The following SLC25A26 variants were observed in gnomAD, a reference collection of about 807,000 sequenced individuals.
SLC25A26 encodes solute carrier family 25 member 26, also known as mitochondrial S-adenosylmethionine carrier protein.
In SLC25A26, 36 loss-of-function variants were observed where a neutral mutation model predicts 37.8. The ratio of observed to expected loss-of-function variants is 0.95; its 90% CI spans 0.73 to 1.26. The LOEUF (loss-of-function observed/expected upper bound fraction) is 1.26. Among genes scored for constraint, SLC25A26 ranks in the 50% most tolerant of loss-of-function variants. The probability of loss-of-function intolerance (pLI) is 0.00; values close to 1 mark genes in which losing one functional copy is unlikely to be tolerated. For synonymous variants in SLC25A26, 129 were observed against 122.5 expected (o/e 1.05, Z -0.35); for missense variants, 390 against 331.1 (o/e 1.18, Z -1.38).
intron 1 of SLC25A26, among the ~76,000 whole-genome samples, chr3:66,148,905 G>A (rs2070158642): frequency 6.6e-6 from 1 of 152,148 alleles, no homozygotes; most frequent in South Asian, 2.1e-4. Context: ...CAACATAGGA[G>A]CATTAGGGTT....
chr3:66,174,071 AC>A (rs1486835141), intron 1 of SLC25A26, among the ~76,000 whole-genome samples: 6 of 152,002 alleles, frequency 3.9e-5, no homozygotes, highest in African/African-American at 9.7e-5. Flanking sequence ...AAAAAAAAAA[AC>A]ATGAAAGTCT....
chr3:66,190,694 G>A (rs1472287477), intron 1 of SLC25A26, among the ~76,000 whole-genome samples: 1 of 152,210 alleles, frequency 6.6e-6, no homozygotes, highest in African/African-American at 2.4e-5. Flanking sequence ...CTCCCAAAAT[G>A]CTGGGATTAC....
At chr3:66,321,840 C>T (rs2075702923) in intron 5 of SLC25A26, among the ~76,000 whole-genome samples, 2 of 150,852 alleles carry the variant, frequency 1.3e-5, no homozygotes, top group South Asian at 4.2e-4. Context: ...CTGTTTTGTA[C>T]TGCTATGACA....
intron 1 of SLC25A26, among the ~76,000 whole-genome samples, chr3:66,214,431 A>G (rs2071331339): frequency 6.6e-6 from 1 of 152,240 alleles, no homozygotes; most frequent in Admixed American, 6.5e-5. Flanking sequence ...ACTGACTCAC[A>G]TTAAGATTTT....
At position 66,182,045 on chromosome 3, in the gene SLC25A26, T is replaced by C. The variant is rs181027119; in HGVS notation, c.-353-38697T>C. Among the ~76,000 whole-genome samples, 6 of 152,274 alleles carry C rather than the reference T, an allele frequency of 3.9e-5. No homozygotes were observed. The East Asian group carries it at 1.2e-3, about 29-fold the overall frequency. ...TTGGCTTTCAAGGATATATTATAAA[T>C]AGAGCCTTGACAGCACTCTCTTTTC... On this transcript the variant is annotated intron_variant, in intron 1 of 10. Coordinates refer to the SLC25A26 transcript ENST00000676754.
At chr3:66,307,578 C>T (rs1403727194) in intron 5 of SLC25A26, among the ~76,000 whole-genome samples, 1 of 152,160 alleles carries the variant, frequency 6.6e-6, no homozygotes, top group Non-Finnish European at 1.5e-5. Context: ...AGTCTTTGCC[C>T]ATGCCTACGT....
chr3:66,179,259 A>G (rs1467043831), intron 1 of SLC25A26, among the ~76,000 whole-genome samples: 1 of 152,240 alleles, frequency 6.6e-6, no homozygotes, highest in African/African-American at 2.4e-5. Flanking sequence ...ATGTAGCATC[A>G]AGCTCCAAGC....
intron 1 of SLC25A26, among the ~76,000 whole-genome samples, chr3:66,211,596 GC>G (rs1479386819): frequency 6.6e-6 from 1 of 152,062 alleles, no homozygotes; most frequent in African/African-American, 2.4e-5. Context: ...GGAGGAGAGA[GC>G]TTTGATTATT....
Position 66,364,898 on chromosome 3 carries a change from C to CA in SLC25A26, c.568+1975dup, listed in dbSNP as rs1431838980. Among the ~76,000 whole-genome samples, 3 of 152,122 alleles carry CA rather than the reference C, an allele frequency of 2.0e-5. No homozygotes were observed. In the East Asian group the frequency reaches 5.8e-4, roughly 29 times the overall value. The stretch of plus-strand genomic sequence containing the variant: ...AGTGAAGGAGTTTGTCCAAGGCCTG[C>CA]AAAAAATCTGTTGTCAGTAGAACCA... On this transcript the variant is annotated intron_variant, in intron 7 of 9. Transcript: ENST00000354883.
At chr3:66,345,638 G>C (rs1390315820) in intron 5 of SLC25A26, among the ~76,000 whole-genome samples, 1 of 150,138 alleles carries the variant, frequency 6.7e-6, no homozygotes, top group Non-Finnish European at 1.5e-5. Context: ...TCTCTGCTCT[G>C]TTGTCTCCCC....
At chr3:66,371,137 A>G in intron 9 of SLC25A26, 3 of 1,427,578 alleles carry the variant, frequency 2.1e-6, no homozygotes, top group South Asian at 1.6e-5. Context: ...TTGACACCAT[A>G]AACTTGTGAA....
chr3:66,321,920 C>T (rs558231793), intron 5 of SLC25A26, among the ~76,000 whole-genome samples: 15 of 152,072 alleles, frequency 9.9e-5, no homozygotes, highest in African/African-American at 3.4e-4. Context: ...GCTAGGAAGT[C>T]CAAGACTGAG....
intron 1 of SLC25A26, among the ~76,000 whole-genome samples, chr3:66,224,800 G>GT (rs2071663988): frequency 6.6e-6 from 1 of 152,212 alleles, no homozygotes; most frequent in Non-Finnish European, 1.5e-5. Context: ...ATACAATGGG[G>GT]TTACAGGTAT....
intron 5 of SLC25A26, among the ~76,000 whole-genome samples, chr3:66,275,775 G>A (rs569646579): frequency 6.6e-6 from 1 of 151,946 alleles, no homozygotes; most frequent in African/African-American, 2.4e-5. Flanking sequence ...GTCTTTTCTA[G>A]TTACAGTTAC....
chr3:66,327,318 A>G (rs1303525070), intron 5 of SLC25A26, among the ~76,000 whole-genome samples: 2 of 152,188 alleles, frequency 1.3e-5, no homozygotes, highest in Admixed American at 6.5e-5. Context: ...ATGTTTTTCA[A>G]AGTTTTCTTA....
intron 5 of SLC25A26, among the ~76,000 whole-genome samples, chr3:66,316,139 G>T (rs2075532949): frequency 6.6e-6 from 1 of 152,192 alleles, no homozygotes; most frequent in Non-Finnish European, 1.5e-5. Flanking sequence ...GTTATTGTGT[G>T]AATTTGATTG....
At chr3:66,284,910 A>C (rs1441464795) in intron 5 of SLC25A26, among the ~76,000 whole-genome samples, 1 of 152,240 alleles carries the variant, frequency 6.6e-6, no homozygotes, top group Admixed American at 6.5e-5. Flanking sequence ...AGATTTTTCA[A>C]CATAAAAGGA....
chr3:66,342,968 A>G (rs1249470663), intron 5 of SLC25A26, among the ~76,000 whole-genome samples: 1 of 152,220 alleles, frequency 6.6e-6, no homozygotes, highest in Non-Finnish European at 1.5e-5. Flanking sequence ...GGTGCAATAA[A>G]ATGGGTATGT....
At chr3:66,346,336 T>A (rs929944432) in intron 5 of SLC25A26, 28 bp from the exon 6 acceptor site, 1 of 1,374,018 alleles carries the variant, frequency 7.3e-7, no homozygotes, top group African/African-American at 1.5e-5. Flanking sequence ...TTTGCCTAAT[T>A]TATTTAATTT....
Sources: gnomAD v4.1 joint callset for allele counts (sites outside exome capture counted in the v4.1 genomes callset) on GRCh38, gnomAD v4.1.1 for gene constraint, MANE v1.5 for transcripts, NCBI Gene and HGNC (gene_info 2026-07-23, HGNC 2026-07-21) for gene names.